FBXO45: variants seen among roughly 807,000 people sequenced by gnomAD.
FBXO45 encodes the protein F-box/SPRY domain-containing protein 1.
A neutral mutation model predicts 25.5 loss-of-function variants in FBXO45; 3 were observed. That is an observed-to-expected ratio of 0.12 (90% CI 0.05 to 0.30). The LOEUF (loss-of-function observed/expected upper bound fraction) is 0.30, where lower values mean the gene tolerates loss of function less well. Among genes scored for constraint, FBXO45 ranks in the 10% least tolerant of loss-of-function variants. The pLI, the probability that FBXO45 is intolerant of heterozygous loss-of-function variation, is 1.00. For synonymous variants in FBXO45, 155 were observed against 149.8 expected (o/e 1.03, Z -0.25); for missense variants, 219 against 365.0 (o/e 0.60, Z 3.26).
chr3:196,577,265 T>C (rs1356684564), intron 1 of FBXO45, among the ~76,000 whole-genome samples, 188 bp from the exon 2 acceptor site: 9 of 137,274 alleles, frequency 6.6e-5, no homozygotes, highest in Admixed American at 8.0e-5. Context: ...GGTTGGCATT[T>C]ATTTTTTAAT....
intron 1 of FBXO45, among the ~76,000 whole-genome samples, chr3:196,570,439 G>A (rs965252608): frequency 1.3e-5 from 2 of 151,968 alleles, no homozygotes; most frequent in Admixed American, 6.6e-5. Flanking sequence ...GTTTCTTCTT[G>A]TTGGTTAGGC....
At chr3:196,580,782 T>TG (rs1735995774) in intron 2 of FBXO45, among the ~76,000 whole-genome samples, 1 of 152,074 alleles carries the variant, frequency 6.6e-6, no homozygotes, top group Non-Finnish European at 1.5e-5. Context: ...CTTTTCCTTT[T>TG]TTTTTTTGAG....
chr3:196,582,362 G>A (rs1736027590), intron 2 of FBXO45, among the ~76,000 whole-genome samples: 1 of 152,278 alleles, frequency 6.6e-6, no homozygotes, highest in East Asian at 1.9e-4. Flanking sequence ...GTTGGTAGGA[G>A]TGGTGGTGAT....
intron 1 of FBXO45, among the ~76,000 whole-genome samples, chr3:196,573,345 A>G (rs945997958): frequency 2.0e-5 from 3 of 152,208 alleles, no homozygotes; most frequent in Non-Finnish European, 2.9e-5. Flanking sequence ...ATGGGACTAG[A>G]TATATCATGG....
At position 196,584,458 on chromosome 3, in the gene FBXO45, A is replaced by G; in HGVS notation, c.*140A>G. 1 of 710,830 alleles carries G rather than the reference A, an allele frequency of 1.4e-6. No homozygotes were observed. The highest frequency in any genetic ancestry group is 2.2e-6 in the Non-Finnish European group (1 of 455,618). The allele number at this position is 710,830 out of a possible 1,614,324, so 44.0% of individuals were successfully genotyped here. ...AGTCGTAAACTGGAGAAGCAGCTCT[A>G]CAGCAGAGATTATCTTCGTGTTTCC... On this transcript the variant is annotated 3_prime_UTR_variant, in exon 3 of 3. Transcript: ENST00000311630. The surrounding 1 kb of genome is among the most constrained non-coding windows in gnomAD (Gnocchi z 4.3).
At position 196,584,890 on chromosome 3, in the gene FBXO45, T is replaced by TA. The variant is rs1013933018; in HGVS notation, c.*578dup. 3 of 151,140 alleles carry TA rather than the reference T, an allele frequency of 2.0e-5. No individual in the cohort carries two copies. The highest frequency in any genetic ancestry group is 4.9e-5 in the African/African-American group (2 of 41,204). 9.4% of individuals were successfully genotyped at this position (151,140 alleles called of 1,614,324 possible). A position where few individuals can be genotyped will look rare whatever the true frequency, so the allele number is the denominator to read the frequency against. ...ATATGTGTGTAAAAAAAAAAAACTG[T>TA]AAAAAAGAAAGGACAAACAGGTTGT... On this transcript the variant is annotated 3_prime_UTR_variant, in exon 3 of 3. Transcript: ENST00000311630. This position sits in a 1 kb window ranked among gnomAD's most constrained non-coding sequence, Gnocchi z 4.3.
intron 2 of FBXO45, among the ~76,000 whole-genome samples, chr3:196,579,743 A>G (rs1473415737): frequency 6.6e-6 from 1 of 152,158 alleles, no homozygotes; most frequent in African/African-American, 2.4e-5. Flanking sequence ...TGAAATCTCC[A>G]TCTATCCTTG....
intron 2 of FBXO45, among the ~76,000 whole-genome samples, chr3:196,578,230 T>G (rs1026437307): frequency 1.3e-5 from 2 of 151,928 alleles, no homozygotes; most frequent in African/African-American, 4.8e-5. Flanking sequence ...AGAGACAGGG[T>G]TTCACCATCT....
rs572766422 is a variant in FBXO45 at position 196,588,470 on chromosome 3, G to A, written c.*4152G>A. 4 of 152,328 alleles carry A rather than the reference G, an allele frequency of 2.6e-5. No homozygotes were observed. The East Asian group carries it at 7.7e-4, about 29-fold the overall frequency. 9.4% of individuals were successfully genotyped at this position (152,328 alleles called of 1,614,324 possible). A position where few individuals can be genotyped will look rare whatever the true frequency, so the allele number is the denominator to read the frequency against. On this transcript the variant is annotated 3_prime_UTR_variant, in exon 3 of 3. Coordinates refer to ENST00000311630, the MANE Select transcript of FBXO45 (RefSeq NM_001105573.2). This position sits in a 1 kb window ranked among gnomAD's most constrained non-coding sequence, Gnocchi z 4.2. The stretch of plus-strand genomic sequence containing the variant: ...GGTAGATAATCAGGACCACTTGGAA[G>A]CCTTTATTAGGAACAGCCCACACCC...
chr3:196,579,908 C>G (rs1735979093), intron 2 of FBXO45, among the ~76,000 whole-genome samples: 1 of 152,008 alleles, frequency 6.6e-6, no homozygotes, highest in Non-Finnish European at 1.5e-5. Flanking sequence ...TAGTAATCCT[C>G]TGTCAATCTG....
rs1735765458 is a variant in FBXO45, at chr3:196,569,977, C to T, written c.318+675C>T. ...ATAGTTCCACATTGATGGTGTCTCT[C>T]TTTTTCTATTTGTCATCTAACGTGC... On this transcript the variant is annotated intron_variant, in intron 1 of 2. Coordinates refer to ENST00000311630, the MANE Select transcript of FBXO45 (RefSeq NM_001105573.2). The surrounding 1 kb of genome is among the most constrained non-coding windows in gnomAD (Gnocchi z 4.1). Among the ~76,000 whole-genome samples, 1 of 152,190 alleles carries T rather than the reference C, an allele frequency of 6.6e-6. No homozygotes were observed. Among genetic ancestry groups the T allele is most frequent in the Non-Finnish European group, 1.5e-5 (1 of 68,034 alleles).
Position 196,577,806 on chromosome 3 carries a change from T to C in FBXO45, c.672T>C (p.Tyr224=). The change falls in exon 2 of 3, where the codon TAT becomes TAC. Residue 224 remains tyrosine (Y), a synonymous_variant. Transcript: ENST00000311630. The part of the protein sequence containing the change: ...SFPQCNNAPK[Y]QIGERIRVIL... ...CACAGTGCAACAACGCACCAAAATA[T>C]CAGGTGAGAAACTGGGGTTTTTCTC... is the stretch of plus-strand genomic sequence containing the variant. 5.1e-6 allele frequency: 8 copies of C among 1,569,328 alleles called. No individual in the cohort carries two copies. Among genetic ancestry groups the C allele is most frequent in the Middle Eastern group, 3.4e-4 (2 of 5,894 alleles).
chr3:196,572,095 A>G (rs565273104), intron 1 of FBXO45, among the ~76,000 whole-genome samples: 1 of 152,352 alleles, frequency 6.6e-6, no homozygotes, highest in East Asian at 1.9e-4. Context: ...TTTGAGCTGA[A>G]TTTTAAAGAT....
At chr3:196,570,872 C>G (rs1466450393) in intron 1 of FBXO45, among the ~76,000 whole-genome samples, 1 of 152,002 alleles carries the variant, frequency 6.6e-6, no homozygotes, top group African/African-American at 2.4e-5. Flanking sequence ...CCACCACGCC[C>G]GGCTAATTTT....
At position 196,568,865 on chromosome 3, in the gene FBXO45, T is replaced by G; in HGVS notation, c.-120T>G. The G allele has an allele frequency of 4.1e-6, 3 of 738,920 alleles. No individual in the cohort carries two copies. Among genetic ancestry groups the G allele is most frequent in the Non-Finnish European group, 5.0e-6 (3 of 604,638 alleles). The allele number at this position is 738,920 out of a possible 1,614,324, so 45.8% of individuals were successfully genotyped here. A position where few individuals can be genotyped will look rare whatever the true frequency, so the allele number is the denominator to read the frequency against. ...GCGGGAGTGGTGGAGGCGCCGGCGG[T>G]TGGCACTGACAGGGGCGGTGAGCGA... is the stretch of plus-strand genomic sequence containing the variant. On this transcript the variant is annotated 5_prime_UTR_variant, in exon 1 of 3. Coordinates refer to ENST00000311630, the MANE Select transcript of FBXO45 (RefSeq NM_001105573.2).
chr3:196,571,589 CATATT>C (rs1735827277), intron 1 of FBXO45, among the ~76,000 whole-genome samples: 1 of 152,180 alleles, frequency 6.6e-6, no homozygotes, highest in Non-Finnish European at 1.5e-5. Flanking sequence ...ATTCAAGATT[CATATT>C]ATAATATGTA....
At chr3:196,582,831 G>T (rs1044434006) in intron 2 of FBXO45, among the ~76,000 whole-genome samples, 1 of 152,124 alleles carries the variant, frequency 6.6e-6, no homozygotes. Flanking sequence ...ATGTGGAACT[G>T]CTTTGTAAAC....
At chr3:196,578,546 T>A (rs889218946) in intron 2 of FBXO45, among the ~76,000 whole-genome samples, 1 of 152,002 alleles carries the variant, frequency 6.6e-6, no homozygotes, top group African/African-American at 2.4e-5. Flanking sequence ...AAGGTAAGGA[T>A]CTATCACGAG....
chr3:196,574,845 C>T (rs977227081), intron 1 of FBXO45, among the ~76,000 whole-genome samples: 32 of 152,182 alleles, frequency 2.1e-4, no homozygotes, highest in African/African-American at 7.5e-4. Flanking sequence ...GAAGAAAGCA[C>T]ATATAATACT....
Sources: gnomAD v4.1 joint callset for allele counts (sites outside exome capture counted in the v4.1 genomes callset) on GRCh38, gnomAD v4.1.1 for gene constraint, Gnocchi (gnomAD v3.1) non-coding constraint, MANE v1.5 for transcripts, NCBI Gene and HGNC (gene_info 2026-07-23, HGNC 2026-07-21) for gene names.